PEX11G: variants seen among roughly 807,000 people sequenced by gnomAD.
PEX11G encodes peroxisomal membrane protein 11C.
A neutral mutation model predicts 22.5 loss-of-function variants in PEX11G; 20 were observed. The observed-to-expected ratio is 0.89, with a 90% CI of 0.62 to 1.29. PEX11G has a LOEUF of 1.29. Ranked by LOEUF, PEX11G falls within the 50% of genes most tolerant of loss-of-function variation. PEX11G has a pLI of 0.00. For synonymous variants in PEX11G, 141 were observed against 154.5 expected, an observed-to-expected ratio of 0.91 and a Z score of 0.65; for missense variants, 347 against 331.3, an observed-to-expected ratio of 1.05 and a Z score of -0.37.
Position 7,486,024 on chromosome 19 carries a change from G to A in PEX11G, c.63C>T (p.Ile21=), listed in dbSNP as rs2145974162. ...GCTGGCAGCAGTACCCCAGCACTCG[G>A]ATCTGTGGGAAACCAGAAGCAGTCA... The part of the protein sequence containing the change: ...LESYRGRDRL[I]RVLGYCCQLV... The change falls in exon 2 of 5, where the codon ATC becomes ATT. Residue 21 remains isoleucine (I), a splice_region_variant and synonymous_variant. Transcript: ENST00000221480. The A allele has an allele frequency of 1.3e-6, 2 of 1,584,934 alleles. No homozygotes were observed. Among genetic ancestry groups the A allele is most frequent in the East Asian group, 2.3e-5 (1 of 44,192 alleles).
At position 7,476,886 on chromosome 19, in the gene PEX11G, A is replaced by C. The variant is rs1484693141; in HGVS notation, c.*316T>G. On this transcript the variant is annotated 3_prime_UTR_variant, in exon 5 of 5. Transcript: ENST00000221480. ...CCCCTGAGCCAGGCGCCAGCACCAC[A>C]ATGTTTAATTGATTCCCGTTCCAGC... 9.1e-6 allele frequency: 3 copies of C among 329,434 alleles called. No individual in the cohort carries two copies. Among genetic ancestry groups the C allele is most frequent in the Non-Finnish European group, 1.7e-5 (3 of 181,230 alleles). 20.4% of individuals were successfully genotyped at this position (329,434 alleles called of 1,614,324 possible).
At chr19:7,479,013 G>C (rs577751484) in intron 3 of PEX11G, among the ~76,000 whole-genome samples, 1 of 152,360 alleles carries the variant, frequency 6.6e-6, no homozygotes, top group East Asian at 1.9e-4. Context: ...TCCAGCCTCG[G>C]CCGTGGGGTG....
upstream of PEX11G, among the ~76,000 whole-genome samples, chr19:7,492,359 A>G (rs2021905134): frequency 6.6e-6 from 1 of 152,192 alleles, no homozygotes. Context: ...TAGCCATCGT[A>G]GTAGGTGTGA....
intron 3 of PEX11G, 32 bp from the exon 4 acceptor site, chr19:7,478,408 C>T (rs745564859): frequency 1.0e-5 from 16 of 1,591,186 alleles, no homozygotes; most frequent in Middle Eastern, 3.4e-4. Flanking sequence ...GAGGATGCCC[C>T]GGCGGGGAGC....
upstream of PEX11G, chr19:7,489,420 G>A: frequency 9.9e-7 from 1 of 1,010,770 alleles, no homozygotes; most frequent in Non-Finnish European, 1.2e-6. Context: ...CTGTCTGCCT[G>A]CCCGTAGTGA....
Position 7,486,028 on chromosome 19 carries a change from T to G in PEX11G, c.61-2A>C. The G allele has an allele frequency of 6.3e-7, 1 of 1,583,808 alleles. No homozygotes were observed. Among genetic ancestry groups the G allele is most frequent in the Middle Eastern group, 2.2e-4 (1 of 4,516 alleles). ...GCAGCAGTACCCCAGCACTCGGATC[T>G]GTGGGAAACCAGAAGCAGTCAGTGT... is the stretch of plus-strand genomic sequence containing the variant. On this transcript the variant is annotated splice_acceptor_variant, in intron 1 of 4. Transcript: ENST00000221480. LOFTEE classifies it high-confidence loss of function.
intron 3 of PEX11G, among the ~76,000 whole-genome samples, 196 bp from the exon 4 acceptor site, chr19:7,478,572 G>A (rs1461396985): frequency 2.6e-5 from 4 of 152,204 alleles, no homozygotes; most frequent in Non-Finnish European, 5.9e-5. Flanking sequence ...ACACGGCCCC[G>A]TCCCACCCGG....
intron 2 of PEX11G, among the ~76,000 whole-genome samples, chr19:7,483,616 G>A (rs1044751094): frequency 1.3e-5 from 2 of 152,204 alleles, no homozygotes; most frequent in Non-Finnish European, 2.9e-5. Context: ...AGACACGGAG[G>A]AGGAGGATGC....
chr19:7,488,462 G>C (rs1009617085), intron 1 of PEX11G, among the ~76,000 whole-genome samples: 2 of 152,242 alleles, frequency 1.3e-5, no homozygotes, highest in African/African-American at 4.8e-5. Context: ...AATCTGGCCA[G>C]TGTGTCAATG....
chr19:7,485,842 G>A lies in PEX11G; in HGVS notation c.245C>T (p.Ala82Val). The change falls in exon 2 of 5, where the codon GCA becomes GTA. Residue 82 changes from alanine (A) to valine (V), a missense_variant. By Grantham distance (64) the Ala-to-Val change is moderately conservative. Coordinates refer to ENST00000221480, the MANE Select transcript of PEX11G (RefSeq NM_080662.4). ...FVYTKQYGLG[A>V]QEEDAFVRCV... The stretch of plus-strand genomic sequence containing the variant: ...GAGCCCCACAAACCCTGTTACCTGT[G>A]CCCCCAGGCCATATTGCTTAGTGTA... 6.3e-7 allele frequency: 1 copy of A among 1,593,312 alleles called. No individual in the cohort carries two copies.
At chr19:7,486,146 T>G (rs2021646412) in intron 1 of PEX11G, 120 bp from the exon 2 acceptor site, 2 of 858,534 alleles carry the variant, frequency 2.3e-6, no homozygotes, top group South Asian at 4.1e-5. Context: ...CTTTTTTTTT[T>G]GAAAGAGTCT....
upstream of PEX11G, among the ~76,000 whole-genome samples, chr19:7,490,047 G>A (rs2021844072): frequency 6.6e-6 from 1 of 152,014 alleles, no homozygotes; most frequent in South Asian, 2.1e-4. Flanking sequence ...TGGTAGAGTC[G>A]GGGTTTCACC....
intron 1 of PEX11G, 57 bp downstream of exon 1, chr19:7,488,894 G>T: frequency 1.3e-6 from 2 of 1,526,282 alleles, no homozygotes; most frequent in Middle Eastern, 1.7e-4. Flanking sequence ...CCGTTTCCCA[G>T]TCTCTGAGCT....
chr19:7,490,217 G>A (rs1306494238), upstream of PEX11G, among the ~76,000 whole-genome samples: 1 of 152,014 alleles, frequency 6.6e-6, no homozygotes. Flanking sequence ...TATGTTGAAG[G>A]TGCTATATAA....
chr19:7,491,474 G>A (rs113838445), upstream of PEX11G, among the ~76,000 whole-genome samples: 25,769 of 151,246 alleles, frequency 0.17, 2,321 homozygotes, highest in Non-Finnish European at 0.21. Flanking sequence ...TTACCATGTT[G>A]GCCAGGCTGG....
intron 2 of PEX11G, among the ~76,000 whole-genome samples, chr19:7,484,082 G>A (rs549638933): frequency 1.8e-4 from 27 of 152,190 alleles, no homozygotes; most frequent in African/African-American, 6.3e-4. Context: ...GTGGCCAGGC[G>A]CGGTGGCTCA....
chr19:7,489,552 T>C, upstream of PEX11G: 1 of 947,744 alleles, frequency 1.1e-6, no homozygotes, highest in Non-Finnish European at 1.3e-6. Context: ...CACAATTCAG[T>C]GACATTAGTA....
chr19:7,482,001 T>A, intron 3 of PEX11G, 32 bp downstream of exon 3: 1 of 1,530,222 alleles, frequency 6.5e-7, no homozygotes, highest in Non-Finnish European at 8.8e-7. Flanking sequence ...CCCAGGGACC[T>A]TGGGTGCTCC....
intron 3 of PEX11G, among the ~76,000 whole-genome samples, chr19:7,479,751 C>T (rs1977401240): frequency 6.6e-6 from 1 of 152,244 alleles, no homozygotes; most frequent in African/African-American, 2.4e-5. Context: ...CAAGGGGGGA[C>T]ACGTGTCAGT....
Sources: allele counts gnomAD v4.1 joint callset (sites outside exome capture counted in the v4.1 genomes callset), GRCh38; gene constraint gnomAD v4.1.1; transcripts MANE v1.5; gene names NCBI Gene and HGNC (gene_info 2026-07-23, HGNC 2026-07-21).